Variants in SEPTIN11 observed in about 807,000 individuals in gnomAD.
SEPTIN11 encodes septin 11.
A neutral mutation model predicts 51.4 loss-of-function variants in SEPTIN11; 25 were observed. That is an observed-to-expected ratio of 0.49 (90% confidence interval 0.35 to 0.68). The LOEUF (loss-of-function observed/expected upper bound fraction) is 0.68. SEPTIN11 is among the 30% of genes least tolerant of loss of function. The probability of loss-of-function intolerance (pLI) is 0.00; values close to 1 mark genes in which losing one functional copy is unlikely to be tolerated. For missense variants in SEPTIN11, 381 were observed against 520.8 expected, an observed-to-expected ratio of 0.73 and a Z score of 2.61; for synonymous variants, 174 against 184.1, an observed-to-expected ratio of 0.95 and a Z score of 0.44.
chr4:77,011,834 GA>G lies in SEPTIN11; in HGVS notation c.439del (p.Ile147SerfsTer15), dbSNP rs1173455274. On this transcript the variant is annotated frameshift_variant, in exon 4 of 10. Transcript: ENST00000264893. LOFTEE classifies it high-confidence loss of function. ...CTCTCTTCAACTACCATGACACGAG[GA>G]TCCATGCCTGCCTCTACTTTATTGC... The part of the protein sequence containing the change: ...RSLFNYHDTR[I>X]HACLYFIAPT... The G allele has an allele frequency of 6.2e-7, 1 of 1,613,946 alleles. No homozygotes were observed. The highest frequency in any genetic ancestry group is 8.5e-7 in the Non-Finnish European group (1 of 1,179,980).
intron 1 of SEPTIN11, among the ~76,000 whole-genome samples, chr4:76,978,389 G>A (rs1674718000): frequency 6.6e-6 from 1 of 152,116 alleles, no homozygotes; most frequent in Non-Finnish European, 1.5e-5. Context: ...GGTGACTTCT[G>A]TAGTGTGATG....
chr4:77,032,363 A>C (rs1471640037), intron 9 of SEPTIN11, among the ~76,000 whole-genome samples: 2 of 152,234 alleles, frequency 1.3e-5, no homozygotes, highest in Non-Finnish European at 2.9e-5. Flanking sequence ...TAATTCTGAG[A>C]GTAACAAGCA....
chr4:77,019,094 G>T, intron 5 of SEPTIN11, 71 bp from the exon 6 acceptor site: 2 of 1,412,764 alleles, frequency 1.4e-6, no homozygotes, highest in Non-Finnish European at 9.8e-7. Context: ...GGAGGGAGAA[G>T]ATAGAGACTG....
At chr4:76,955,844 G>A (rs1721536707) in intron 1 of SEPTIN11, among the ~76,000 whole-genome samples, 1 of 152,172 alleles carries the variant, frequency 6.6e-6, no homozygotes, top group South Asian at 2.1e-4. Context: ...TTTATGCATT[G>A]AGCCTTTCCT....
intron 6 of SEPTIN11, among the ~76,000 whole-genome samples, chr4:77,020,048 A>G (rs1371101946): frequency 6.6e-6 from 1 of 152,226 alleles, no homozygotes; most frequent in Non-Finnish European, 1.5e-5. Flanking sequence ...GGTATGTAAA[A>G]GTGGCCCTGC....
intron 1 of SEPTIN11, among the ~76,000 whole-genome samples, chr4:76,953,565 C>G (rs551605790): frequency 2.0e-5 from 3 of 152,096 alleles, no homozygotes; most frequent in South Asian, 2.1e-4. Context: ...TGGCTGTGGT[C>G]GGTGTGCCTG....
At chr4:77,020,481 C>T in intron 6 of SEPTIN11, 21 bp from the exon 7 acceptor site, 1 of 1,611,742 alleles carries the variant, frequency 6.2e-7, no homozygotes, top group East Asian at 2.2e-5. Context: ...CCACTTCCGC[C>T]ATTTCCCCCC....
At position 76,949,763 on chromosome 4, in the gene SEPTIN11, G is replaced by C; in HGVS notation, c.-141G>C. 3.5e-6 allele frequency: 3 copies of C among 853,986 alleles called. No homozygotes were observed. Among genetic ancestry groups the C allele is most frequent in the Non-Finnish European group, 5.2e-6 (3 of 578,240 alleles). 52.9% of individuals were successfully genotyped at this position (853,986 alleles called of 1,614,324 possible). A position where few individuals can be genotyped will look rare whatever the true frequency, so the allele number is the denominator to read the frequency against. On this transcript the variant is annotated 5_prime_UTR_variant, in exon 1 of 10. Coordinates refer to ENST00000264893, the MANE Select transcript of SEPTIN11 (RefSeq NM_018243.4). Reference sequence around the variant, plus strand: ...CGGCGGCGTGGGGGGAGCAGATGCCGCTGGCTGCCAGCGGGACGCCGGCGA... The same window carrying C: ...CGGCGGCGTGGGGGGAGCAGATGCCCCTGGCTGCCAGCGGGACGCCGGCGA...
At chr4:76,983,020 A>G (rs1179822889) in intron 1 of SEPTIN11, among the ~76,000 whole-genome samples, 5 of 152,100 alleles carry the variant, frequency 3.3e-5, no homozygotes, top group Admixed American at 2.0e-4. Flanking sequence ...ACACAGGAGA[A>G]ATAGGGATGT....
chr4:77,020,747 G>C, intron 7 of SEPTIN11, 77 bp downstream of exon 7: 1 of 1,371,824 alleles, frequency 7.3e-7, no homozygotes, highest in Non-Finnish European at 1.0e-6. Flanking sequence ...AGAAATGCTT[G>C]CTGGATTGAG....
At chr4:77,001,435 C>T (rs1328458891) in intron 2 of SEPTIN11, among the ~76,000 whole-genome samples, 4 of 152,148 alleles carry the variant, frequency 2.6e-5, no homozygotes, top group South Asian at 4.1e-4. Context: ...CTGCAACCTC[C>T]GCCTCCCAGG....
At chr4:77,001,382 C>T (rs1030156505) in intron 2 of SEPTIN11, among the ~76,000 whole-genome samples, 2 of 150,708 alleles carry the variant, frequency 1.3e-5, no homozygotes, top group Admixed American at 6.6e-5. Context: ...GAGTCTCTCA[C>T]TCTGTCGCCC....
Position 77,034,697 on chromosome 4 carries a change from G to T in SEPTIN11, c.*185G>T. On this transcript the variant is annotated 3_prime_UTR_variant, in exon 10 of 10. Coordinates refer to ENST00000264893, the MANE Select transcript of SEPTIN11 (RefSeq NM_018243.4). ...GGTGGTAGAAAATGATAGAACAAGGGAATAACCGCGAATGCTCTGTGCAGC... is the reference window on the plus strand; with the variant it reads ...GGTGGTAGAAAATGATAGAACAAGGTAATAACCGCGAATGCTCTGTGCAGC... 1 of 1,313,160 alleles carries T rather than the reference G, an allele frequency of 7.6e-7. No individual in the cohort carries two copies. The highest frequency in any genetic ancestry group is 2.4e-5 in the South Asian group (1 of 41,434). The allele number at this position is 1,313,160 out of a possible 1,614,324, so 81.3% of individuals were successfully genotyped here. A position where few individuals can be genotyped will look rare whatever the true frequency, so the allele number is the denominator to read the frequency against.
At chr4:77,025,374 A>G (rs538096004) in intron 7 of SEPTIN11, among the ~76,000 whole-genome samples, 4 of 152,118 alleles carry the variant, frequency 2.6e-5, no homozygotes, top group African/African-American at 9.6e-5. Flanking sequence ...TCATCTCAAC[A>G]AAAAATTTTA....
Position 76,956,993 on chromosome 4 carries a change from T to TGTGTGTGTGTGTGTGTGAGA in SEPTIN11, c.27+7064_27+7065insTGTGTGTGTGTGTGTGAGAG, listed in dbSNP as rs769320568. On this transcript the variant is annotated intron_variant, in intron 1 of 9. Transcript: ENST00000264893. ...GTGTGTGTGTGTGTGTGTGTGTGTG[T>TGTGTGTGTGTGTGTGTGAGA]GAGAGAGAGAGAGACAGAGACAGAG... is the stretch of plus-strand genomic sequence containing the variant. Among the ~76,000 whole-genome samples the TGTGTGTGTGTGTGTGTGAGA allele has an allele frequency of 4.1e-3, 400 of 98,550 alleles. 5 individuals carry two copies. The highest frequency in any genetic ancestry group is 0.012 in the African/African-American group (375 of 30,540). 64.7% of individuals were successfully genotyped at this position (98,550 alleles called of 152,430 possible). A position where few individuals can be genotyped will look rare whatever the true frequency, so the allele number is the denominator to read the frequency against.
At chr4:76,986,201 A>G (rs148986309) in intron 1 of SEPTIN11, among the ~76,000 whole-genome samples, 55 of 152,232 alleles carry the variant, frequency 3.6e-4, no homozygotes, top group African/African-American at 1.1e-3. Flanking sequence ...TATCAGATGC[A>G]TGCTAATACA....
At chr4:77,020,824 G>A in intron 7 of SEPTIN11, 154 bp downstream of exon 7, 1 of 673,356 alleles carries the variant, frequency 1.5e-6, no homozygotes, top group East Asian at 2.8e-5. Flanking sequence ...TGTGATAATT[G>A]CTTTATTTGC....
chr4:77,016,506 CAT>C lies in SEPTIN11; in HGVS notation c.687+1500_687+1501del, dbSNP rs199953588. 3.1e-4 allele frequency among the ~76,000 whole-genome samples: 44 copies of C among 140,458 alleles called. No individual in the cohort carries two copies. The Middle Eastern group carries it at 0.022, about 71-fold the overall frequency. The allele number at this position is 140,458 out of a possible 152,430, so 92.1% of individuals were successfully genotyped here. Reference sequence around the variant, plus strand: ...TATATATATATGTGTATATATATAGCATATATATATATTTTGTATTATTGTTT... The same window carrying C: ...TATATATATATGTGTATATATATAGCATATATATATTTTGTATTATTGTTT... On this transcript the variant is annotated intron_variant, in intron 5 of 9. Coordinates refer to ENST00000264893, the MANE Select transcript of SEPTIN11 (RefSeq NM_018243.4).
rs1258130362 is a variant in SEPTIN11, at chr4:77,036,668, G to A, written c.*2156G>A. 1.4e-5 allele frequency: 21 copies of A among 1,501,840 alleles called. No homozygotes were observed. The East Asian group carries it at 1.5e-4, about 11-fold the overall frequency. 93.0% of individuals were successfully genotyped at this position (1,501,840 alleles called of 1,614,324 possible). The stretch of plus-strand genomic sequence containing the variant: ...ATAGAAGCTTTTTTTTTTAAAAAAT[G>A]TATTGCTTCTGAACTTTTTTCTGCC... On this transcript the variant is annotated 3_prime_UTR_variant, in exon 10 of 10. Transcript: ENST00000264893.
Sources: gnomAD v4.1 joint callset for allele counts (sites outside exome capture counted in the v4.1 genomes callset) on GRCh38, gnomAD v4.1.1 for gene constraint, MANE v1.5 for transcripts, NCBI Gene and HGNC (gene_info 2026-07-23, HGNC 2026-07-21) for gene names.